TESPA1: variants seen among roughly 807,000 people sequenced by gnomAD.
The protein encoded by TESPA1 is protein TESPA1.
TESPA1 carries 33 observed loss-of-function variants against 57.9 expected under a neutral mutation model. The ratio of observed to expected loss-of-function variants is 0.57; its 90% CI spans 0.43 to 0.76. The LOEUF is 0.76. Ranked by LOEUF, TESPA1 falls within the 30% of genes least tolerant of loss-of-function variation. The probability of loss-of-function intolerance (pLI) is 0.00; values close to 1 mark genes in which losing one functional copy is unlikely to be tolerated. For synonymous variants in TESPA1, 227 were observed against 228.9 expected (o/e 0.99, Z 0.07); for missense variants, 618 against 632.9 (o/e 0.98, Z 0.25).
intron 5 of TESPA1, 41 bp downstream of exon 5, chr12:54,967,142 C>G (rs1458450984): frequency 1.9e-6 from 3 of 1,608,680 alleles, no homozygotes; most frequent in Admixed American, 3.4e-5. Context: ...CAATGTATAT[C>G]CTGTTTTCTC....
At chr12:54,958,023 AGTTAG>A (rs1950838384) in intron 10 of TESPA1, among the ~76,000 whole-genome samples, 1 of 152,228 alleles carries the variant, frequency 6.6e-6, no homozygotes, top group Non-Finnish European at 1.5e-5. Context: ...AATGGAATCT[AGTTAG>A]GTACTTGAAA....
At chr12:54,967,813 GA>G in intron 4 of TESPA1, 29 bp downstream of exon 4, 2 of 1,612,940 alleles carry the variant, frequency 1.2e-6, no homozygotes, top group Non-Finnish European at 1.7e-6. Context: ...CCAGGTAGAA[GA>G]AAAATAGATG....
chr12:54,981,582 A>G (rs114429736), intron 1 of TESPA1, among the ~76,000 whole-genome samples: 17,925 of 152,140 alleles, frequency 0.12, 2,333 homozygotes, highest in East Asian at 0.63. Context: ...TATTAAAAAA[A>G]AAAAGTCTTT....
rs747716129 is a variant in TESPA1, at chr12:54,966,074, C to T, written c.425G>A (p.Gly142Glu). 3.7e-5 allele frequency: 59 copies of T among 1,576,274 alleles called. No individual in the cohort carries two copies. Among genetic ancestry groups the T allele is most frequent in the African/African-American group, 5.4e-5 (4 of 73,926 alleles). ...CSLASSSMTG[G>E]TNKTSSSISE... ...CTACCTTGAACTAGTCTTGTTGGTCCCCCCAGTCATGCTGCTGGAAGCCAA... is the reference window on the plus strand; with the variant it reads ...CTACCTTGAACTAGTCTTGTTGGTCTCCCCAGTCATGCTGCTGGAAGCCAA... Residue 142 changes from glycine (G) to glutamate (E), a missense_variant, in exon 7 of 11, where the codon GGG becomes GAG. Gly to Glu is a moderately conservative substitution (Grantham distance 98, BLOSUM62 -2). Coordinates refer to ENST00000449076, the MANE Select transcript of TESPA1 (RefSeq NM_001136030.3).
At chr12:54,975,533 C>G (rs1287482969) in intron 1 of TESPA1, among the ~76,000 whole-genome samples, 1 of 152,120 alleles carries the variant, frequency 6.6e-6, no homozygotes, top group Non-Finnish European at 1.5e-5. Context: ...GGCTCATACT[C>G]TGTCCTGCTG....
chr12:54,966,425 C>G lies in TESPA1; in HGVS notation c.311-1G>C. ...TTGCCATTGGCGGCCAGTAGTGTGG[C>G]TGGACAAGAAACAGAGAAGCAAAGA... On this transcript the variant is annotated splice_acceptor_variant, in intron 5 of 10. Transcript: ENST00000449076. LOFTEE classifies it high-confidence loss of function. The G allele has an allele frequency of 1.9e-6, 3 of 1,613,056 alleles. No homozygotes were observed. In the South Asian group the frequency reaches 3.3e-5, roughly 18 times the overall value.
chr12:54,959,268 G>A (rs1002059643), intron 10 of TESPA1, among the ~76,000 whole-genome samples: 34 of 152,218 alleles, frequency 2.2e-4, no homozygotes, highest in Non-Finnish European at 1.2e-4. Context: ...GTAGGCAGGA[G>A]TTGGGTGTTT....
At chr12:54,950,829 G>C (rs985424741) in intron 10 of TESPA1, among the ~76,000 whole-genome samples, 23 of 151,870 alleles carry the variant, frequency 1.5e-4, no homozygotes, top group African/African-American at 5.6e-4. Flanking sequence ...TTCCTTTCCT[G>C]ACTCACACTT....
At chr12:54,980,004 C>T (rs1052558565) in intron 1 of TESPA1, among the ~76,000 whole-genome samples, 3 of 152,224 alleles carry the variant, frequency 2.0e-5, no homozygotes, top group South Asian at 2.1e-4. Context: ...CACAGAGATA[C>T]GTTATTTGTC....
At chr12:54,973,103 C>T (rs1183191951) in intron 3 of TESPA1, among the ~76,000 whole-genome samples, 1 of 152,172 alleles carries the variant, frequency 6.6e-6, no homozygotes, top group Non-Finnish European at 1.5e-5. Context: ...TGCTCTTCAG[C>T]AAGAATGATC....
At chr12:54,980,218 G>T (rs1952262997) in intron 1 of TESPA1, among the ~76,000 whole-genome samples, 1 of 152,312 alleles carries the variant, frequency 6.6e-6, no homozygotes, top group African/African-American at 2.4e-5. Context: ...GTCTAGTAGA[G>T]AAGAAGCACC....
At chr12:54,966,995 A>G (rs570250334) in intron 5 of TESPA1, among the ~76,000 whole-genome samples, 188 bp downstream of exon 5, 85 of 152,220 alleles carry the variant, frequency 5.6e-4, no homozygotes, top group Non-Finnish European at 1.0e-3. Flanking sequence ...GCTGATGAGG[A>G]GGTGTTTCTG....
At chr12:54,964,290 T>C (rs1274185070) in intron 7 of TESPA1, among the ~76,000 whole-genome samples, 5 of 152,238 alleles carry the variant, frequency 3.3e-5, no homozygotes, top group Admixed American at 3.3e-4. Context: ...GTTGCATCAT[T>C]AAGTGCTCAG....
At chr12:54,953,959 A>AG (rs1950572426) in intron 10 of TESPA1, among the ~76,000 whole-genome samples, 1 of 152,246 alleles carries the variant, frequency 6.6e-6, no homozygotes, top group Non-Finnish European at 1.5e-5. Context: ...TCACTAAACT[A>AG]TGAGCTCAAA....
rs764157979 is a variant in TESPA1 at position 54,974,465 on chromosome 12, GCC to G, written c.96_97del (p.Glu32AspfsTer12). ...TGGGACATCCTGCAGGGCGGCGGCA[GCC>G]TCCTCTTCTAGGACCTGGGTCTGCC... On this transcript the variant is annotated frameshift_variant, in exon 2 of 11. Transcript: ENST00000449076. LOFTEE classifies it high-confidence loss of function. 3.1e-6 allele frequency: 5 copies of G among 1,608,278 alleles called. No homozygotes were observed. Among genetic ancestry groups the G allele is most frequent in the Non-Finnish European group, 4.2e-6 (5 of 1,177,498 alleles).
intron 1 of TESPA1, among the ~76,000 whole-genome samples, chr12:54,980,148 AAGG>A (rs1471338606): frequency 3.3e-5 from 5 of 152,358 alleles, no homozygotes; most frequent in East Asian, 1.9e-4. Flanking sequence ...ATTAAAAAAA[AAGG>A]AGAAGTTATT....
At chr12:54,951,198 T>C (rs1950365346) in intron 10 of TESPA1, among the ~76,000 whole-genome samples, 1 of 152,214 alleles carries the variant, frequency 6.6e-6, no homozygotes, top group Non-Finnish European at 1.5e-5. Context: ...GCTGTTCTCA[T>C]GACAGCGAGT....
At chr12:54,959,220 A>T (rs1367992441) in intron 10 of TESPA1, among the ~76,000 whole-genome samples, 1 of 152,164 alleles carries the variant, frequency 6.6e-6, no homozygotes, top group Non-Finnish European at 1.5e-5. Context: ...TGTGCTTCTC[A>T]TCCTCTCTGT....
chr12:54,962,362 C>G (rs144833213), intron 9 of TESPA1, 69 bp downstream of exon 9: 3 of 1,534,344 alleles, frequency 2.0e-6, no homozygotes, highest in Non-Finnish European at 2.6e-6. Flanking sequence ...GGGTTCTAAC[C>G]CTTCATCTTC....
Sources: allele counts gnomAD v4.1 joint callset (sites outside exome capture counted in the v4.1 genomes callset), GRCh38; gene constraint gnomAD v4.1.1; transcripts MANE v1.5; gene names NCBI Gene and HGNC (gene_info 2026-07-23, HGNC 2026-07-21).